Variants in BRD4 observed in about 807,000 individuals in gnomAD.
BRD4 encodes bromodomain-containing protein 4.
Under a neutral mutation model 142.1 loss-of-function variants are expected in BRD4, and 16 were observed. The ratio of observed to expected loss-of-function variants is 0.11; its 90% CI spans 0.08 to 0.17. BRD4 has a LOEUF of 0.17. BRD4 is among the 10% of genes least tolerant of loss of function. The probability of loss-of-function intolerance (pLI) is 1.00; values close to 1 mark genes in which losing one functional copy is unlikely to be tolerated. For synonymous variants in BRD4, 833 were observed against 707.5 expected, an observed-to-expected ratio of 1.18 and a Z score of -2.82; for missense variants, 1,424 against 1,810.9, an observed-to-expected ratio of 0.79 and a Z score of 3.88.
chr19:15,308,460 A>T (rs1284266749), intron 1 of BRD4, among the ~76,000 whole-genome samples: 1 of 151,130 alleles, frequency 6.6e-6, no homozygotes, highest in East Asian at 2.0e-4. Flanking sequence ...GGTGGCGTGC[A>T]CCTGTAGTCC....
At chr19:15,251,371 G>A (rs1426199014) in intron 11 of BRD4, among the ~76,000 whole-genome samples, 1 of 129,030 alleles carries the variant, frequency 7.8e-6, no homozygotes, top group Non-Finnish European at 1.5e-5. Flanking sequence ...AACTAACCCC[G>A]TAGTATAAGT....
chr19:15,242,548 G>A (rs773271350), intron 14 of BRD4, among the ~76,000 whole-genome samples: 2 of 152,024 alleles, frequency 1.3e-5, no homozygotes, highest in East Asian at 1.9e-4. Context: ...ACCTGTCTGC[G>A]ATCACTGCCT....
Position 15,239,383 on chromosome 19 carries a change from C to A in BRD4, c.3576+9G>T. The A allele has an allele frequency of 1.2e-6, 2 of 1,614,192 alleles. No homozygotes were observed. The highest frequency in any genetic ancestry group is 4.5e-5 in the East Asian group (2 of 44,860). ...GGGGCAAGCGACACCCATGGACCTC[C>A]ATCCCAACCTTTTTGGGCGCAACTG... On this transcript the variant is annotated intron_variant, in intron 17 of 19. Transcript: ENST00000679869. This position sits in a 1 kb window ranked among gnomAD's most constrained non-coding sequence, Gnocchi z 7.4.
At chr19:15,247,405 C>T (rs546490843) in intron 11 of BRD4, 30 of 232,490 alleles carry the variant, frequency 1.3e-4, no homozygotes, top group African/African-American at 5.7e-4. Flanking sequence ...GCACAGGTGA[C>T]AGCTTAAGTC....
chr19:15,253,945 G>T, intron 11 of BRD4: 1 of 728,162 alleles, frequency 1.4e-6, no homozygotes, highest in Non-Finnish European at 2.2e-6. Context: ...ATAACGGCCA[G>T]GCCGAGAGAA....
rs763540393 is a variant in BRD4 at position 15,238,868 on chromosome 19, G to C, written c.3895C>G (p.Gln1299Glu). The C allele has an allele frequency of 6.2e-7, 1 of 1,600,960 alleles. No individual in the cohort carries two copies. The highest frequency in any genetic ancestry group is 1.1e-5 in the South Asian group (1 of 89,366). The change falls in exon 19 of 20, where the codon CAG becomes GAG. Residue 1299 changes from glutamine (Q) to glutamate (E), a missense_variant. Transcript: ENST00000679869. The surrounding 1 kb of genome is among the most constrained non-coding windows in gnomAD (Gnocchi z 7.2). ...GCGGCAGCCACCGCAGCTGCTTGCT[G>C]TTGCTGCTGCTGCTGTTGCTCCTGG... Reference protein sequence around the residue: ...QRQEQQQQQQQQAAAVAAAAT... With the variant: ...QRQEQQQQQQEQAAAVAAAAT...
rs1051725948 is a variant in BRD4, at chr19:15,238,706, C to G, written c.4020+37G>C. 3 of 1,475,906 alleles carry G rather than the reference C, an allele frequency of 2.0e-6. No individual in the cohort carries two copies. In the Admixed American group the frequency reaches 7.6e-5, roughly 37 times the overall value. 91.4% of individuals were successfully genotyped at this position (1,475,906 alleles called of 1,614,324 possible). ...TTTCCCAGCTCCCTCAGGAGCTAAT[C>G]CTTAGACCAGGGTCCCCACCAGGCC... On this transcript the variant is annotated intron_variant, in intron 19 of 19. Coordinates refer to ENST00000679869, the MANE Select transcript of BRD4 (RefSeq NM_001379291.1). This position sits in a 1 kb window ranked among gnomAD's most constrained non-coding sequence, Gnocchi z 7.2.
Position 15,239,561 on chromosome 19 carries a change from C to A in BRD4, c.3446-39G>T, listed in dbSNP as rs201917407. The A allele has an allele frequency of 3.8e-6, 6 of 1,583,048 alleles. No individual in the cohort carries two copies. The highest frequency in any genetic ancestry group is 2.3e-5 in the South Asian group (2 of 87,412). On this transcript the variant is annotated intron_variant, in intron 16 of 19. Transcript: ENST00000679869. The surrounding 1 kb of genome is among the most constrained non-coding windows in gnomAD (Gnocchi z 7.4). ...AGCCGGTGGGCCCTGGCCCACCTCA[C>A]CCCAGTGGGGCATGGTCCACCAGCC...
chr19:15,296,940 G>A (rs2047828080), intron 1 of BRD4, among the ~76,000 whole-genome samples: 1 of 151,984 alleles, frequency 6.6e-6, no homozygotes, highest in African/African-American at 2.4e-5. Flanking sequence ...CCCACCAACA[G>A]CCACCACATG....
At chr19:15,266,932 G>A (rs946424120) in intron 4 of BRD4, among the ~76,000 whole-genome samples, 1 of 152,178 alleles carries the variant, frequency 6.6e-6, no homozygotes, top group African/African-American at 2.4e-5. Context: ...AGGCAGAGAT[G>A]GATGAGGAGG....
chr19:15,245,935 C>T (rs11668977), intron 11 of BRD4, among the ~76,000 whole-genome samples: 3,728 of 152,302 alleles, frequency 0.024, 68 homozygotes, highest in Middle Eastern at 0.051. Context: ...TGGAGGGCCA[C>T]GCTAAGCTTC....
chr19:15,279,666 G>C (rs987942230), intron 1 of BRD4, among the ~76,000 whole-genome samples: 7 of 152,174 alleles, frequency 4.6e-5, no homozygotes, highest in Non-Finnish European at 1.0e-4. Flanking sequence ...GACTCTAAAG[G>C]CAAGCCAGAG....
intron 1 of BRD4, among the ~76,000 whole-genome samples, chr19:15,315,512 G>GC: frequency 6.6e-6 from 1 of 151,790 alleles, no homozygotes; most frequent in Non-Finnish European, 1.5e-5. Flanking sequence ...AAGGGGATTG[G>GC]GGGGGGGAAG....
At chr19:15,245,278 C>T (rs2047275530) in intron 11 of BRD4, among the ~76,000 whole-genome samples, 1 of 152,134 alleles carries the variant, frequency 6.6e-6, no homozygotes, top group Non-Finnish European at 1.5e-5. Flanking sequence ...CTAAGGCCCA[C>T]TCCTTTCCAT....
At chr19:15,251,875 G>T (rs1357881259) in intron 11 of BRD4, among the ~76,000 whole-genome samples, 1 of 152,332 alleles carries the variant, frequency 6.6e-6, no homozygotes, top group Admixed American at 6.5e-5. Flanking sequence ...AACCCAAGGT[G>T]GGGAGGGCGC....
chr19:15,257,448 A>G, intron 7 of BRD4: 1 of 494,792 alleles, frequency 2.0e-6, no homozygotes, highest in Non-Finnish European at 3.6e-6. Context: ...CGCCCAGGCA[A>G]GGACATGAGA....
intron 1 of BRD4, among the ~76,000 whole-genome samples, chr19:15,313,113 C>T (rs1262807995): frequency 6.6e-6 from 1 of 151,838 alleles, no homozygotes; most frequent in African/African-American, 2.4e-5. Flanking sequence ...GGCTCACGCC[C>T]GTAATCCCAC....
chr19:15,295,482 G>C (rs1019285554), intron 1 of BRD4, among the ~76,000 whole-genome samples: 3 of 152,208 alleles, frequency 2.0e-5, no homozygotes, highest in Admixed American at 6.5e-5. Flanking sequence ...AACTGTTGCT[G>C]TGGCCAGAAT....
At chr19:15,248,809 G>T (rs2047314977) in intron 11 of BRD4, 1 of 255,700 alleles carries the variant, frequency 3.9e-6, no homozygotes, top group Non-Finnish European at 7.6e-6. Flanking sequence ...CACACTGAAC[G>T]AGAGCTCTCC....
Sources: allele counts gnomAD v4.1 joint callset (sites outside exome capture counted in the v4.1 genomes callset), GRCh38; gene constraint gnomAD v4.1.1; non-coding constraint Gnocchi (gnomAD v3.1); transcripts MANE v1.5; gene names NCBI Gene and HGNC (gene_info 2026-07-23, HGNC 2026-07-21).